The following ST7 variants were observed in gnomAD, a reference collection of about 807,000 sequenced individuals.
The protein encoded by ST7 is suppression of tumorigenicity 7, also known as suppressor of tumorigenicity 7 protein.
A neutral mutation model predicts 78.7 loss-of-function variants in ST7; 28 were observed. That is an observed-to-expected ratio of 0.36 (90% CI 0.26 to 0.49). The LOEUF (loss-of-function observed/expected upper bound fraction) is 0.49, where lower values mean the gene tolerates loss of function less well. Among genes scored for constraint, ST7 ranks in the 20% least tolerant of loss-of-function variants. The probability of loss-of-function intolerance (pLI) is 0.99; values close to 1 mark genes in which losing one functional copy is unlikely to be tolerated. For synonymous variants in ST7, 247 were observed against 249.6 expected (o/e 0.99, Z 0.10); for missense variants, 418 against 696.0 (o/e 0.60, Z 4.49).
At chr7:117,088,696 C>G (rs533476622) in intron 1 of ST7, among the ~76,000 whole-genome samples, 34 of 152,304 alleles carry the variant, frequency 2.2e-4, no homozygotes, top group African/African-American at 6.7e-4. Flanking sequence ...AAATGAGAAG[C>G]TAGTGAACAA....
intron 10 of ST7, among the ~76,000 whole-genome samples, chr7:117,180,529 G>C (rs1275080656): frequency 6.6e-6 from 1 of 152,174 alleles, no homozygotes; most frequent in Non-Finnish European, 1.5e-5. Context: ...AAGAGAAAGA[G>C]ACCATGTTAT....
At chr7:117,017,397 AC>A (rs1795665579) in intron 1 of ST7, among the ~76,000 whole-genome samples, 1 of 152,190 alleles carries the variant, frequency 6.6e-6, no homozygotes, top group African/African-American at 2.4e-5. Flanking sequence ...CTGTTGACTG[AC>A]TTTAAGATTT....
At chr7:117,119,502 G>A in intron 2 of ST7, 59 bp from the exon 3 acceptor site, 8 of 1,478,244 alleles carry the variant, frequency 5.4e-6, no homozygotes, top group Non-Finnish European at 7.3e-6. Context: ...TTATGGGCAT[G>A]TGTACAGAAG....
intron 1 of ST7, among the ~76,000 whole-genome samples, chr7:117,059,198 A>ACC (rs1563049734): frequency 2.0e-5 from 3 of 152,190 alleles, no homozygotes; most frequent in African/African-American, 7.2e-5. Context: ...GTGTAATTGG[A>ACC]TTGTTTGTAA....
At chr7:117,142,912 G>GAC (rs1198426291) in intron 9 of ST7, among the ~76,000 whole-genome samples, 1 of 152,088 alleles carries the variant, frequency 6.6e-6, no homozygotes, top group Non-Finnish European at 1.5e-5. Context: ...GCCTGGCCCA[G>GAC]ACATCGGGTT....
At chr7:116,993,460 C>T (rs1482011421) in intron 1 of ST7, among the ~76,000 whole-genome samples, 2 of 152,140 alleles carry the variant, frequency 1.3e-5, no homozygotes, top group African/African-American at 4.8e-5. Context: ...GGAAAACGGC[C>T]CCCATGATTC....
intron 10 of ST7, among the ~76,000 whole-genome samples, chr7:117,175,000 T>A (rs867410313): frequency 6.6e-6 from 1 of 152,242 alleles, no homozygotes; most frequent in Non-Finnish European, 1.5e-5. Flanking sequence ...GAAGCCATGG[T>A]GCAGAATTTC....
At chr7:117,015,503 G>A (rs542991112) in intron 1 of ST7, among the ~76,000 whole-genome samples, 2 of 152,296 alleles carry the variant, frequency 1.3e-5, no homozygotes, top group Admixed American at 1.3e-4. Flanking sequence ...GTATAAATGT[G>A]CCCAGATTTT....
chr7:117,153,197 A>G (rs1383122849), intron 9 of ST7, among the ~76,000 whole-genome samples: 1 of 152,202 alleles, frequency 6.6e-6, no homozygotes, highest in Non-Finnish European at 1.5e-5. Flanking sequence ...AGAAAACATC[A>G]TCATCATGGG....
intron 1 of ST7, among the ~76,000 whole-genome samples, chr7:116,995,361 C>G (rs1794605526): frequency 6.6e-6 from 1 of 152,128 alleles, no homozygotes; most frequent in Non-Finnish European, 1.5e-5. Flanking sequence ...CTAAGTTTAC[C>G]TGAAAGCTTT....
chr7:117,094,695 C>T (rs545856261), intron 1 of ST7, among the ~76,000 whole-genome samples: 12 of 152,274 alleles, frequency 7.9e-5, no homozygotes, highest in Non-Finnish European at 1.8e-4. Context: ...ACGTGGGACT[C>T]TCTCAGGGCC....
chr7:116,963,955 C>A (rs191779383), intron 1 of ST7, among the ~76,000 whole-genome samples: 39 of 152,270 alleles, frequency 2.6e-4, no homozygotes, highest in African/African-American at 8.9e-4. Flanking sequence ...GGTTAAGTAT[C>A]AGTCTTTCAG....
intron 13 of ST7, among the ~76,000 whole-genome samples, chr7:117,214,241 G>T (rs556684983): frequency 6.6e-6 from 1 of 151,920 alleles, no homozygotes; most frequent in Non-Finnish European, 1.5e-5. Context: ...CTTTGTTTCC[G>T]TTTTTTTCTA....
chr7:117,129,655 T>C, intron 3 of ST7, 138 bp from the exon 4 acceptor site: 1 of 718,086 alleles, frequency 1.4e-6, no homozygotes. Flanking sequence ...ACCCAGAGTT[T>C]TTCCACATTG....
At chr7:117,061,435 G>A (rs1320519104) in intron 1 of ST7, among the ~76,000 whole-genome samples, 1 of 152,178 alleles carries the variant, frequency 6.6e-6, no homozygotes, top group African/African-American at 2.4e-5. Flanking sequence ...TAGGGGAGGG[G>A]TAGTAGGAAT....
At chr7:117,135,894 C>T (rs1349691649) in intron 7 of ST7, among the ~76,000 whole-genome samples, 187 bp from the exon 8 acceptor site, 1 of 152,126 alleles carries the variant, frequency 6.6e-6, no homozygotes, top group Non-Finnish European at 1.5e-5. Context: ...TCCTACCTCT[C>T]AAGCTAAAAT....
At chr7:117,087,006 C>G (rs909749066) in intron 1 of ST7, among the ~76,000 whole-genome samples, 3 of 152,160 alleles carry the variant, frequency 2.0e-5, no homozygotes, top group African/African-American at 7.2e-5. Flanking sequence ...ACACCCTCAC[C>G]CAGGGGAAGA....
chr7:117,040,929 C>A (rs1321406502), intron 1 of ST7, among the ~76,000 whole-genome samples: 3 of 152,174 alleles, frequency 2.0e-5, no homozygotes, highest in Non-Finnish European at 4.4e-5. Flanking sequence ...TCCCATCAAA[C>A]CTTATTATTC....
At chr7:117,225,982 C>T (rs1318947966) in intron 15 of ST7, among the ~76,000 whole-genome samples, 1 of 152,214 alleles carries the variant, frequency 6.6e-6, no homozygotes, top group Non-Finnish European at 1.5e-5. Context: ...TCCAAACCCA[C>T]CTCCTCACAG....
Sources: gnomAD v4.1 joint callset for allele counts (sites outside exome capture counted in the v4.1 genomes callset) on GRCh38, gnomAD v4.1.1 for gene constraint, MANE v1.5 for transcripts, NCBI Gene and HGNC (gene_info 2026-07-23, HGNC 2026-07-21) for gene names.